PCDH7: variants seen among roughly 807,000 people sequenced by gnomAD.
PCDH7 encodes protocadherin 7.
PCDH7 carries 17 observed loss-of-function variants against 58.9 expected under a neutral mutation model. The observed-to-expected ratio is 0.29, with a 90% confidence interval of 0.20 to 0.43. The LOEUF (loss-of-function observed/expected upper bound fraction) is 0.43, where lower values mean the gene tolerates loss of function less well. Ranked by LOEUF, PCDH7 falls within the 20% of genes least tolerant of loss-of-function variation. PCDH7 has a pLI of 1.00. For synonymous variants in PCDH7, 664 were observed against 616.4 expected, an observed-to-expected ratio of 1.08 and a Z score of -1.14; for missense variants, 1,274 against 1,441.0, an observed-to-expected ratio of 0.88 and a Z score of 1.88.
intron 1 of PCDH7, among the ~76,000 whole-genome samples, chr4:30,896,843 G>GTAGCT (rs1273490261): frequency 7.1e-6 from 1 of 140,912 alleles, no homozygotes; most frequent in African/African-American, 2.7e-5. Flanking sequence ...TTTTGAATTG[G>GTAGCT]TAGCTAAACC....
chr4:30,827,890 G>A (rs749095728), intron 1 of PCDH7, among the ~76,000 whole-genome samples: 1 of 152,140 alleles, frequency 6.6e-6, no homozygotes, highest in Admixed American at 6.5e-5. Flanking sequence ...GCAGAGCCTA[G>A]CAGTTAAGAA....
In PCDH7 at chr4:30,722,293, C is replaced by G. The variant is rs1713763788; in HGVS notation, c.871C>G (p.Gln291Glu). ...CGGCGGCGACCCGCCTCGCTCCTCGCAGGCCATCCTACGGGTCCTCATCAC... is the reference window on the plus strand; with the variant it reads ...CGGCGGCGACCCGCCTCGCTCCTCGGAGGCCATCCTACGGGTCCTCATCAC... Residue 291 changes from glutamine to glutamate, a missense_variant, in exon 1 of 2, where the codon CAG becomes GAG. Physicochemically the swap from Gln to Glu is conservative, Grantham distance 29. This residue lies in a region of PCDH7 where 331 missense variants were observed against 303.2 expected (regional missense o/e 1.09). Transcript: ENST00000361762. The surrounding 1 kb of genome is among the most constrained non-coding windows in gnomAD (Gnocchi z 7.6). 1.2e-6 allele frequency: 2 copies of G among 1,605,772 alleles called. No individual in the cohort carries two copies. The highest frequency in any genetic ancestry group is 1.3e-5 in the African/African-American group (1 of 74,852).
intron 3 of PCDH7, among the ~76,000 whole-genome samples, chr4:30,997,741 T>C (rs778434359): frequency 7.9e-5 from 12 of 152,174 alleles, no homozygotes; most frequent in Non-Finnish European, 1.8e-4. Flanking sequence ...GGTGATAATA[T>C]ATGCTGAATG....
chr4:31,089,463 G>A (rs116341799), intron 3 of PCDH7, among the ~76,000 whole-genome samples: 12 of 151,940 alleles, frequency 7.9e-5, no homozygotes, highest in African/African-American at 2.7e-4. Flanking sequence ...TTTGTGTGAA[G>A]CTGGGTAAGA....
At position 30,721,680 on chromosome 4, in the gene PCDH7, G is replaced by T. The variant is rs773488237; in HGVS notation, c.258G>T (p.Thr86=). The stretch of plus-strand genomic sequence containing the variant: ...ACAACCTCACTGGCGAGCTGAGCAC[G>T]AGCGAGCGGCGCATCGACCGCGAGA... The change falls in exon 1 of 2, where the codon ACG becomes ACT. Residue 86 remains threonine (T), a synonymous_variant. Transcript: ENST00000361762. This position sits in a 1 kb window ranked among gnomAD's most constrained non-coding sequence, Gnocchi z 6.7. 27 of 1,613,876 alleles carry T rather than the reference G, an allele frequency of 1.7e-5. No homozygotes were observed. The East Asian group carries it at 5.1e-4, about 31-fold the overall frequency.
chr4:30,826,892 A>G (rs962538424), intron 1 of PCDH7, among the ~76,000 whole-genome samples: 7 of 151,876 alleles, frequency 4.6e-5, no homozygotes, highest in African/African-American at 1.7e-4. Flanking sequence ...TGCCCAGCTA[A>G]TTTCTGTATT....
intron 3 of PCDH7, among the ~76,000 whole-genome samples, chr4:30,977,445 A>T (rs1750171939): frequency 6.6e-6 from 1 of 152,178 alleles, no homozygotes; most frequent in African/African-American, 2.4e-5. Flanking sequence ...AACGAGACCA[A>T]CCTCAGTCAT....
At chr4:31,032,300 A>G (rs1375677286) in intron 3 of PCDH7, among the ~76,000 whole-genome samples, 2 of 152,200 alleles carry the variant, frequency 1.3e-5, no homozygotes, top group Non-Finnish European at 2.9e-5. Context: ...AATGTATAAG[A>G]TTATTGCATT....
chr4:30,939,276 A>G (rs560338265), intron 2 of PCDH7, among the ~76,000 whole-genome samples: 1 of 152,240 alleles, frequency 6.6e-6, no homozygotes, highest in East Asian at 1.9e-4. Flanking sequence ...TAACCATTTC[A>G]GTATTGTGGT....
intron 1 of PCDH7, among the ~76,000 whole-genome samples, chr4:30,753,123 C>A (rs1038810977): frequency 4.6e-5 from 7 of 152,110 alleles, no homozygotes; most frequent in African/African-American, 1.7e-4. Flanking sequence ...CCATAAATGT[C>A]AGCATCATGC....
intron 1 of PCDH7, among the ~76,000 whole-genome samples, chr4:30,879,465 C>G (rs1344252669): frequency 6.6e-6 from 1 of 151,866 alleles, no homozygotes; most frequent in Admixed American, 6.6e-5. Context: ...CAAAATTTCT[C>G]TCTTAAGCCC....
chr4:31,024,087 G>C (rs1019289635), intron 3 of PCDH7, among the ~76,000 whole-genome samples: 4 of 152,146 alleles, frequency 2.6e-5, no homozygotes, highest in Non-Finnish European at 5.9e-5. Context: ...TGATGTGGAA[G>C]GGTAGTGATT....
intron 1 of PCDH7, among the ~76,000 whole-genome samples, chr4:30,801,031 G>C (rs905885917): frequency 1.3e-5 from 2 of 152,238 alleles, no homozygotes; most frequent in Admixed American, 1.3e-4. Flanking sequence ...CAGGGGACTA[G>C]TACAGTCTGA....
At chr4:31,054,737 G>C (rs1247823145) in intron 3 of PCDH7, among the ~76,000 whole-genome samples, 1 of 152,174 alleles carries the variant, frequency 6.6e-6, no homozygotes, top group Non-Finnish European at 1.5e-5. Flanking sequence ...AGTGATGAAA[G>C]ATGCCAAACA....
intron 1 of PCDH7, among the ~76,000 whole-genome samples, chr4:30,802,528 G>C (rs1055756676): frequency 6.6e-6 from 1 of 152,060 alleles, no homozygotes; most frequent in African/African-American, 2.4e-5. Flanking sequence ...GCAGGAAGGA[G>C]TGGAATCAAA....
intron 1 of PCDH7, among the ~76,000 whole-genome samples, chr4:30,800,924 A>T (rs1725453376): frequency 6.6e-6 from 1 of 152,224 alleles, no homozygotes; most frequent in Non-Finnish European, 1.5e-5. Flanking sequence ...GGAAGTTTTC[A>T]TACAAGAGAT....
chr4:31,107,239 T>C (rs1715692978), intron 3 of PCDH7, among the ~76,000 whole-genome samples: 1 of 152,158 alleles, frequency 6.6e-6, no homozygotes, highest in Non-Finnish European at 1.5e-5. Context: ...AATACGTGGG[T>C]GAAATAATGC....
At chr4:30,982,095 G>T (rs1482943238) in intron 3 of PCDH7, among the ~76,000 whole-genome samples, 1 of 152,078 alleles carries the variant, frequency 6.6e-6, no homozygotes, top group Non-Finnish European at 1.5e-5. Context: ...ATAATTATGT[G>T]GGATAATGTA....
chr4:30,994,700 A>G (rs1193141679), intron 3 of PCDH7, among the ~76,000 whole-genome samples: 1 of 152,162 alleles, frequency 6.6e-6, no homozygotes, highest in Non-Finnish European at 1.5e-5. Flanking sequence ...TGTTTTGGTA[A>G]AAGTCAAAGC....
Sources: allele counts gnomAD v4.1 joint callset (sites outside exome capture counted in the v4.1 genomes callset), GRCh38; gene constraint gnomAD v4.1.1; regional missense constraint gnomAD v4.1.1; non-coding constraint Gnocchi (gnomAD v3.1); transcripts MANE v1.5; gene names NCBI Gene and HGNC (gene_info 2026-07-23, HGNC 2026-07-21).